SGF29: variants seen among roughly 807,000 people sequenced by gnomAD.
SGF29 encodes the protein SAGA-associated factor 29.
Under a neutral mutation model 38.1 loss-of-function variants are expected in SGF29, and 15 were observed. The ratio of observed to expected loss-of-function variants is 0.39; its 90% confidence interval spans 0.26 to 0.61. The LOEUF (loss-of-function observed/expected upper bound fraction) is 0.61, where lower values mean the gene tolerates loss of function less well. Among genes scored for constraint, SGF29 ranks in the 20% least tolerant of loss-of-function variants. SGF29 has a pLI of 0.49. For missense variants in SGF29, 184 were observed against 394.6 expected (o/e 0.47, Z 4.52); for synonymous variants, 151 against 160.8 (o/e 0.94, Z 0.46).
At position 28,558,901 on chromosome 16, in the gene SGF29, G is replaced by A. The variant is rs569247798; in HGVS notation, c.-16+4804G>A. Among the ~76,000 whole-genome samples, 29 of 152,266 alleles carry A rather than the reference G, an allele frequency of 1.9e-4. No homozygotes were observed. In the South Asian group the frequency reaches 4.3e-3, roughly 23 times the overall value. On this transcript the variant is annotated intron_variant, in intron 1 of 9. Coordinates refer to ENST00000317058, the MANE Select transcript of SGF29 (RefSeq NM_138414.3). ...TGCCAGTGACTGAGAGGAGAAGGGG[G>A]TGGGGAATGACTGCTAATGAGTATA... is the stretch of plus-strand genomic sequence containing the variant.
chr16:28,554,228 G>A (rs1275542906), intron 1 of SGF29, 131 bp downstream of exon 1: 1 of 151,896 alleles, frequency 6.6e-6, no homozygotes, highest in Non-Finnish European at 1.5e-5. Context: ...CGCGCTCTGG[G>A]CGGGAGGGGG....
intron 1 of SGF29, among the ~76,000 whole-genome samples, chr16:28,573,996 T>C (rs1023287482): frequency 6.6e-6 from 1 of 152,186 alleles, no homozygotes; most frequent in African/African-American, 2.4e-5. Context: ...TGCGGGCATG[T>C]GCAAGGCGGG....
intron 1 of SGF29, among the ~76,000 whole-genome samples, chr16:28,572,272 G>A (rs558182597): frequency 4.0e-5 from 6 of 149,632 alleles, no homozygotes; most frequent in South Asian, 2.1e-4. Flanking sequence ...CACTGCGCCC[G>A]GCCCTTTTGT....
rs778388146 is a variant in SGF29 at position 28,559,666 on chromosome 16, G to A, written c.-16+5569G>A. ...GCTGGGATTACAGGTGTGAGCCACC[G>A]CACCCGGCCCATTAAGCTGTTATTT... On this transcript the variant is annotated intron_variant, in intron 1 of 9. Transcript: ENST00000317058. Among the ~76,000 whole-genome samples the A allele has an allele frequency of 4.6e-5, 7 of 152,026 alleles. No homozygotes were observed. The South Asian group carries it at 1.0e-3, about 23-fold the overall frequency.
chr16:28,558,550 C>T (rs956433489), intron 1 of SGF29, among the ~76,000 whole-genome samples: 12 of 152,238 alleles, frequency 7.9e-5, no homozygotes, highest in African/African-American at 2.2e-4. Flanking sequence ...TGAGCCACTG[C>T]GACCCGCCTG....
At chr16:28,583,362 G>A (rs545839652) in intron 2 of SGF29, among the ~76,000 whole-genome samples, 3 of 152,308 alleles carry the variant, frequency 2.0e-5, no homozygotes, top group South Asian at 4.1e-4. Context: ...TGCAGCGGCA[G>A]CAGTACTAGT....
chr16:28,589,127 C>G lies in SGF29; in HGVS notation c.252C>G (p.Ile84Met), dbSNP rs140198976. ...CNILRKALDK[I>M]AEIKSLLEER... ...TCCTTCGGAAAGCTCTGGACAAGATCGCGGAAATCAAGTCTCTGTTGGAAG... is the reference window on the plus strand; with the variant it reads ...TCCTTCGGAAAGCTCTGGACAAGATGGCGGAAATCAAGTCTCTGTTGGAAG... The change falls in exon 5 of 10, where the codon ATC becomes ATG. Residue 84 changes from isoleucine to methionine, a missense_variant. Transcript: ENST00000317058. 1 of 1,614,168 alleles carries G rather than the reference C, an allele frequency of 6.2e-7. No individual in the cohort carries two copies. The highest frequency in any genetic ancestry group is 8.5e-7 in the Non-Finnish European group (1 of 1,180,002).
At chr16:28,585,051 C>A in intron 3 of SGF29, 63 bp downstream of exon 3, 1 of 1,279,448 alleles carries the variant, frequency 7.8e-7, no homozygotes, top group Non-Finnish European at 1.1e-6. Context: ...ATGGCCAAGA[C>A]TGTGACCGAG....
chr16:28,568,266 T>C (rs1347848999), intron 1 of SGF29, among the ~76,000 whole-genome samples: 1 of 126,906 alleles, frequency 7.9e-6, no homozygotes, highest in Admixed American at 1.0e-4. Flanking sequence ...TGAGCCAAGA[T>C]CATGCCATTG....
intron 1 of SGF29, among the ~76,000 whole-genome samples, chr16:28,580,562 G>T (rs1311823316): frequency 6.6e-6 from 1 of 151,920 alleles, no homozygotes; most frequent in African/African-American, 2.4e-5. Flanking sequence ...CTGGATTAAG[G>T]GCACACCCTA....
intron 1 of SGF29, among the ~76,000 whole-genome samples, chr16:28,576,735 A>C (rs1353972709): frequency 1.3e-5 from 2 of 152,158 alleles, no homozygotes; most frequent in Non-Finnish European, 2.9e-5. Flanking sequence ...CCCACACAAA[A>C]ACCTGTACAC....
chr16:28,578,920 C>T (rs963827238), intron 1 of SGF29, among the ~76,000 whole-genome samples: 7 of 151,722 alleles, frequency 4.6e-5, no homozygotes, highest in Non-Finnish European at 7.4e-5. Flanking sequence ...CTAGCCTGGG[C>T]GACAGAGCAA....
intron 1 of SGF29, among the ~76,000 whole-genome samples, chr16:28,576,023 C>T (rs182935685): frequency 8.5e-5 from 13 of 152,126 alleles, no homozygotes; most frequent in Admixed American, 2.6e-4. Flanking sequence ...CATGTGTTGG[C>T]GCAAATGCAG....
At position 28,584,923 on chromosome 16, in the gene SGF29, C is replaced by T. The variant is rs143034336; in HGVS notation, c.86C>T (p.Ser29Leu). Residue 29 changes from serine (S) to leucine (L), a missense_variant, in exon 3 of 10, where the codon TCG becomes TTG. Ser to Leu is a moderately radical substitution (Grantham distance 145). Transcript: ENST00000317058. The stretch of plus-strand genomic sequence containing the variant: ...CTCTTTTCCTTACAGGAAGAGCGTT[C>T]GCGGAGCGAACACAACTTAGTGAAC... ...QLIKQTQEER[S>L]RSEHNLVNIQ... is the part of the protein sequence containing the mutation. 1.3e-4 allele frequency: 216 copies of T among 1,613,148 alleles called. No individual in the cohort carries two copies. The highest frequency in any genetic ancestry group is 2.3e-4 in the African/African-American group (17 of 74,864).
intron 4 of SGF29, among the ~76,000 whole-genome samples, 200 bp downstream of exon 4, chr16:28,585,920 C>T (rs2046953982): frequency 6.6e-6 from 1 of 152,240 alleles, no homozygotes; most frequent in Non-Finnish European, 1.5e-5. Flanking sequence ...AATGCCTTTA[C>T]AGAAGGTGGC....
intron 1 of SGF29, among the ~76,000 whole-genome samples, chr16:28,560,960 C>CAAAAAAAAAAAAAAAAAAA (rs531139717): frequency 1.1e-5 from 1 of 89,254 alleles, no homozygotes. Flanking sequence ...GACTCTGTCT[C>CAAAAAAAAAAAAAAAAAAA]AAAAAAAAAA....
At chr16:28,577,097 G>A (rs1173105614) in intron 1 of SGF29, among the ~76,000 whole-genome samples, 1 of 152,124 alleles carries the variant, frequency 6.6e-6, no homozygotes, top group Non-Finnish European at 1.5e-5. Context: ...GAACCCGGGA[G>A]GCGGAGGTTG....
At position 28,590,517 on chromosome 16, in the gene SGF29, G is replaced by A; in HGVS notation, c.566+75G>A. ...GGCTACGGGAGAAAAGCTCTGCAGA[G>A]GGTGCTCCCCAGAGGCTGGTTGTGC... On this transcript the variant is annotated intron_variant, in intron 7 of 9. Coordinates refer to ENST00000317058, the MANE Select transcript of SGF29 (RefSeq NM_138414.3). The surrounding 1 kb of genome is among the most constrained non-coding windows in gnomAD (Gnocchi z 8.2). 1 of 1,613,094 alleles carries A rather than the reference G, an allele frequency of 6.2e-7. No individual in the cohort carries two copies. The highest frequency in any genetic ancestry group is 1.1e-5 in the South Asian group (1 of 91,020).
In SGF29 at chr16:28,590,610, T is replaced by C. The variant is rs762988548; in HGVS notation, c.567-21T>C. On this transcript the variant is annotated intron_variant, in intron 7 of 9. Coordinates refer to ENST00000317058, the MANE Select transcript of SGF29 (RefSeq NM_138414.3). The surrounding 1 kb of genome is among the most constrained non-coding windows in gnomAD (Gnocchi z 8.2). ...ACTGCGCCCCTGGCTGCATCCAGCC[T>C]TTTCCTCCTTTTGTCTGCAGGTATG... 8 of 1,613,324 alleles carry C rather than the reference T, an allele frequency of 5.0e-6. No individual in the cohort carries two copies. The Admixed American group carries it at 1.2e-4, about 24-fold the overall frequency.
Sources: allele counts gnomAD v4.1 joint callset (sites outside exome capture counted in the v4.1 genomes callset), GRCh38; gene constraint gnomAD v4.1.1; non-coding constraint Gnocchi (gnomAD v3.1); transcripts MANE v1.5; gene names NCBI Gene and HGNC (gene_info 2026-07-23, HGNC 2026-07-21).